FRMD4A: variants seen among roughly 807,000 people sequenced by gnomAD.
FRMD4A encodes the protein FERM domain-containing protein 4A.
FRMD4A carries 29 observed loss-of-function variants against 129.1 expected under a neutral mutation model. The ratio of observed to expected loss-of-function variants is 0.22; its 90% CI spans 0.17 to 0.31. The LOEUF (loss-of-function observed/expected upper bound fraction) is 0.31. Ranked by LOEUF, FRMD4A falls within the 10% of genes least tolerant of loss-of-function variation. The pLI is 1.00. For missense variants in FRMD4A, 1,272 were observed against 1,375.8 expected, an observed-to-expected ratio of 0.92 and a Z score of 1.19; for synonymous variants, 634 against 571.6, an observed-to-expected ratio of 1.11 and a Z score of -1.56.
intron 12 of FRMD4A, chr10:13,707,653 G>GTT: frequency 1.0e-6 from 1 of 986,848 alleles, no homozygotes; most frequent in Non-Finnish European, 1.2e-6. Flanking sequence ...TCACTAATGT[G>GTT]TAAGAGCCTT....
At chr10:13,930,391 T>A (rs1456528069) in intron 2 of FRMD4A, among the ~76,000 whole-genome samples, 5 of 152,338 alleles carry the variant, frequency 3.3e-5, no homozygotes, top group Admixed American at 6.5e-5. Flanking sequence ...CGTCTGATAA[T>A]GCTGGTCTCT....
intron 13 of FRMD4A, among the ~76,000 whole-genome samples, chr10:13,705,874 A>G (rs965765944): frequency 6.6e-6 from 1 of 152,186 alleles, no homozygotes. Flanking sequence ...TGCTGAGATA[A>G]GCTCTTGCCC....
At chr10:14,160,554 T>A (rs994116575) in intron 2 of FRMD4A, among the ~76,000 whole-genome samples, 1 of 152,182 alleles carries the variant, frequency 6.6e-6, no homozygotes, top group Non-Finnish European at 1.5e-5. Context: ...AAGGAACTAA[T>A]ATCCAGAATG....
intron 15 of FRMD4A, chr10:13,685,827 C>G (rs992500606): frequency 1.3e-5 from 2 of 157,762 alleles, no homozygotes; most frequent in African/African-American, 4.8e-5. Context: ...ATTGGAAAGT[C>G]ATTCATTTAG....
chr10:13,719,603 G>GTTT (rs2089227979), intron 12 of FRMD4A, among the ~76,000 whole-genome samples: 1 of 152,150 alleles, frequency 6.6e-6, no homozygotes, highest in South Asian at 2.1e-4. Context: ...TTTCCGGAAG[G>GTTT]TCAGTTCAGC....
chr10:13,757,868 C>A (rs751058808), intron 8 of FRMD4A, among the ~76,000 whole-genome samples: 1 of 152,154 alleles, frequency 6.6e-6, no homozygotes, highest in Non-Finnish European at 1.5e-5. Context: ...CTCAGCCTCC[C>A]GAGTATCTGG....
intron 2 of FRMD4A, among the ~76,000 whole-genome samples, chr10:14,156,467 T>A (rs1444753651): frequency 6.6e-6 from 1 of 152,242 alleles, no homozygotes; most frequent in Admixed American, 6.5e-5. Flanking sequence ...CAATATTGTT[T>A]ATTTTTATTA....
chr10:13,823,958 T>C (rs1180273760), intron 3 of FRMD4A, among the ~76,000 whole-genome samples: 3 of 152,192 alleles, frequency 2.0e-5, no homozygotes, highest in Non-Finnish European at 4.4e-5. Context: ...TATCCTCAGC[T>C]GTGGCTGGCA....
intron 2 of FRMD4A, among the ~76,000 whole-genome samples, chr10:13,884,186 A>ACACTCT (rs1332081638): frequency 9.1e-6 from 1 of 109,598 alleles, no homozygotes; most frequent in South Asian, 3.8e-4. Flanking sequence ...TCACACACAC[A>ACACTCT]CACACACACT....
intron 2 of FRMD4A, among the ~76,000 whole-genome samples, chr10:14,220,605 T>C (rs1286748463): frequency 6.6e-6 from 1 of 152,334 alleles, no homozygotes; most frequent in East Asian, 1.9e-4. Context: ...GAAATTCACT[T>C]ATCTTGAAAG....
chr10:13,997,952 A>T (rs147885372), intron 2 of FRMD4A, among the ~76,000 whole-genome samples: 1 of 152,278 alleles, frequency 6.6e-6, no homozygotes, highest in East Asian at 1.9e-4. Flanking sequence ...GCAATCTTTT[A>T]TGACAATGCT....
At chr10:13,824,896 A>C (rs1349885028) in intron 3 of FRMD4A, among the ~76,000 whole-genome samples, 1 of 142,150 alleles carries the variant, frequency 7.0e-6, no homozygotes, top group African/African-American at 2.8e-5. Context: ...CTCTGTCTCA[A>C]AAAAAAAAAA....
Position 13,670,406 on chromosome 10 carries a change from C to A in FRMD4A, c.1374G>T (p.Glu458Asp). The A allele has an allele frequency of 1.2e-6, 2 of 1,612,940 alleles. No individual in the cohort carries two copies. The highest frequency in any genetic ancestry group is 2.2e-5 in the South Asian group (2 of 90,966). Residue 458 changes from glutamate to aspartate, a missense_variant and splice_region_variant, in exon 17 of 25, where the codon GAG becomes GAT. Physicochemically the swap from Glu to Asp is conservative, Grantham distance 45. Transcript: ENST00000357447. ...LDEQKILPKG[E>D]EAELERLERE... ...CCAACAACAGAAAGGAAGGACGCAC[C>A]TCTCCTTTGGGCAGGATTTTCTGTT... is the stretch of plus-strand genomic sequence containing the variant.
chr10:13,782,008 C>T (rs920105453), intron 6 of FRMD4A, among the ~76,000 whole-genome samples: 12 of 152,162 alleles, frequency 7.9e-5, no homozygotes, highest in East Asian at 1.9e-4. Context: ...GTGAAGGGTG[C>T]ACCAAATTCT....
At chr10:14,022,566 T>C (rs1447388504) in intron 2 of FRMD4A, among the ~76,000 whole-genome samples, 1 of 151,946 alleles carries the variant, frequency 6.6e-6, no homozygotes, top group Non-Finnish European at 1.5e-5. Context: ...GGGGCACAAA[T>C]GTTGCTACAG....
At chr10:13,784,317 C>T (rs573927270) in intron 5 of FRMD4A, among the ~76,000 whole-genome samples, 4 of 152,186 alleles carry the variant, frequency 2.6e-5, no homozygotes, top group East Asian at 1.9e-4. Context: ...TTCTTCAGAC[C>T]GTAAAAGAAG....
At chr10:14,185,311 G>C (rs1031954854) in intron 2 of FRMD4A, among the ~76,000 whole-genome samples, 2 of 152,158 alleles carry the variant, frequency 1.3e-5, no homozygotes, top group African/African-American at 4.8e-5. Flanking sequence ...TGTAGAGATA[G>C]AGTCTTTCAT....
At chr10:13,737,774 A>T in intron 12 of FRMD4A, 70 bp downstream of exon 12, 1 of 851,932 alleles carries the variant, frequency 1.2e-6, no homozygotes, top group Non-Finnish European at 2.0e-6. Flanking sequence ...TAGCATTTTT[A>T]AAGTGACTCC....
intron 2 of FRMD4A, among the ~76,000 whole-genome samples, chr10:13,953,508 C>T (rs141838816): frequency 6.6e-6 from 1 of 152,260 alleles, no homozygotes; most frequent in Non-Finnish European, 1.5e-5. Context: ...TATCTCACAC[C>T]TTCCCACTCC....
Sources: allele counts gnomAD v4.1 joint callset (sites outside exome capture counted in the v4.1 genomes callset), GRCh38; gene constraint gnomAD v4.1.1; transcripts MANE v1.5; gene names NCBI Gene and HGNC (gene_info 2026-07-23, HGNC 2026-07-21).